Variants in SUCLG2 observed in about 807,000 individuals in gnomAD.
SUCLG2 encodes succinate--CoA ligase [GDP-forming] subunit beta, mitochondrial.
SUCLG2 carries 42 observed loss-of-function variants against 47.9 expected under a neutral mutation model. That is an observed-to-expected ratio of 0.88 (90% confidence interval 0.69 to 1.14). The LOEUF is 1.14. Ranked by LOEUF, SUCLG2 falls within the 50% of genes most tolerant of loss-of-function variation. The pLI, the probability that SUCLG2 is intolerant of heterozygous loss-of-function variation, is 0.00. For missense variants in SUCLG2, 571 were observed against 525.9 expected, an observed-to-expected ratio of 1.09 and a Z score of -0.84; for synonymous variants, 195 against 197.3, an observed-to-expected ratio of 0.99 and a Z score of 0.10.
intron 2 of SUCLG2, among the ~76,000 whole-genome samples, chr3:67,540,725 G>A (rs1706680375): frequency 1.3e-5 from 2 of 152,186 alleles, no homozygotes; most frequent in Non-Finnish European, 2.9e-5. Context: ...CCTCTAGTGG[G>A]TCCCTGATCC....
intron 2 of SUCLG2, among the ~76,000 whole-genome samples, chr3:67,539,073 T>C (rs936756478): frequency 1.2e-4 from 18 of 152,222 alleles, no homozygotes; most frequent in Non-Finnish European, 1.2e-4. Flanking sequence ...CTGATTGTCC[T>C]GGCCACATCT....
At chr3:67,381,941 CAA>C (rs1302051882) in intron 10 of SUCLG2, among the ~76,000 whole-genome samples, 1 of 152,062 alleles carries the variant, frequency 6.6e-6, no homozygotes, top group African/African-American at 2.4e-5. Context: ...TTATTACACA[CAA>C]GAGAAAATAA....
chr3:67,425,754 T>C (rs1021577636), intron 9 of SUCLG2, among the ~76,000 whole-genome samples: 3 of 152,200 alleles, frequency 2.0e-5, no homozygotes, highest in African/African-American at 7.2e-5. Flanking sequence ...TATGAGCCAA[T>C]ACCTTATAAT....
At chr3:67,423,786 C>T (rs1400353328) in intron 9 of SUCLG2, among the ~76,000 whole-genome samples, 1 of 152,160 alleles carries the variant, frequency 6.6e-6, no homozygotes, top group Admixed American at 6.5e-5. Flanking sequence ...GAATATCTCC[C>T]TTTACTGAAG....
intron 2 of SUCLG2, among the ~76,000 whole-genome samples, chr3:67,571,239 T>C (rs761322384): frequency 1.4e-4 from 22 of 152,150 alleles, no homozygotes; most frequent in Non-Finnish European, 2.6e-4. Context: ...GGGATGCTAC[T>C]GGCACCTAGT....
chr3:67,566,766 T>C (rs80192109), intron 2 of SUCLG2, among the ~76,000 whole-genome samples: 2,336 of 152,314 alleles, frequency 0.015, 55 homozygotes, highest in African/African-American at 0.052. Flanking sequence ...TAAATTACAC[T>C]TTTAAGAAAT....
intron 9 of SUCLG2, among the ~76,000 whole-genome samples, chr3:67,443,267 C>T (rs1353333867): frequency 6.6e-6 from 1 of 151,010 alleles, no homozygotes; most frequent in Non-Finnish European, 1.5e-5. Context: ...TATTGAGGAA[C>T]TAATGAAATT....
intron 2 of SUCLG2, among the ~76,000 whole-genome samples, chr3:67,554,170 C>T (rs1222186337): frequency 1.3e-5 from 2 of 152,180 alleles, no homozygotes; most frequent in Non-Finnish European, 2.9e-5. Context: ...AAGCCCCATA[C>T]AGAGTGATCT....
intron 10 of SUCLG2, among the ~76,000 whole-genome samples, chr3:67,386,233 C>T (rs1228962785): frequency 5.9e-5 from 9 of 151,582 alleles, no homozygotes; most frequent in African/African-American, 1.5e-4. Flanking sequence ...GGACTACAGG[C>T]GCCCGCCACC....
intron 9 of SUCLG2, among the ~76,000 whole-genome samples, chr3:67,402,655 G>C (rs1056009556): frequency 1.3e-5 from 2 of 152,216 alleles, no homozygotes; most frequent in African/African-American, 4.8e-5. Context: ...ATGACTCCAT[G>C]GGGTCCATGA....
At chr3:67,397,629 A>G (rs1460299270) in intron 10 of SUCLG2, among the ~76,000 whole-genome samples, 1 of 152,122 alleles carries the variant, frequency 6.6e-6, no homozygotes, top group Non-Finnish European at 1.5e-5. Flanking sequence ...CATCCCCATC[A>G]AGCTACCAAT....
chr3:67,545,523 C>A (rs1003671194), intron 2 of SUCLG2, among the ~76,000 whole-genome samples: 5 of 152,152 alleles, frequency 3.3e-5, no homozygotes, highest in Non-Finnish European at 7.4e-5. Flanking sequence ...AAATCTAAGT[C>A]TATTGCTCGA....
At chr3:67,409,604 C>T (rs1702890410) in intron 9 of SUCLG2, among the ~76,000 whole-genome samples, 1 of 152,024 alleles carries the variant, frequency 6.6e-6, no homozygotes, top group Admixed American at 6.6e-5. Context: ...TTACATGACA[C>T]ATATTTACAC....
chr3:67,606,685 C>G (rs1481033637), intron 2 of SUCLG2, among the ~76,000 whole-genome samples: 1 of 152,160 alleles, frequency 6.6e-6, no homozygotes, highest in African/African-American at 2.4e-5. Context: ...AAAAACCAAT[C>G]TTGATAGCTT....
intron 2 of SUCLG2, among the ~76,000 whole-genome samples, chr3:67,585,766 C>T (rs112661445): frequency 0.031 from 4,775 of 151,880 alleles, 100 homozygotes; most frequent in Non-Finnish European, 0.046. Context: ...AGTTCAAGAC[C>T]AGCCTGGCTG....
chr3:67,543,753 T>C (rs1462420244), intron 2 of SUCLG2, among the ~76,000 whole-genome samples: 1 of 152,212 alleles, frequency 6.6e-6, no homozygotes, highest in African/African-American at 2.4e-5. Flanking sequence ...TACAACATTA[T>C]ATCTTTTCTA....
At chr3:67,475,168 T>G (rs1575721270) in intron 9 of SUCLG2, among the ~76,000 whole-genome samples, 1 of 152,118 alleles carries the variant, frequency 6.6e-6, no homozygotes, top group African/African-American at 2.4e-5. Flanking sequence ...AAATCATGAG[T>G]TGGCAACTCC....
At chr3:67,505,968 AAAAAAG>A (rs563321633) in intron 7 of SUCLG2, among the ~76,000 whole-genome samples, 29 of 151,970 alleles carry the variant, frequency 1.9e-4, no homozygotes, top group South Asian at 6.2e-4. Flanking sequence ...TCTCAAAAAT[AAAAAAG>A]AAAAAGAAAA....
In SUCLG2 at chr3:67,522,036, ATTTAT is replaced by A. The variant is rs568853430; in HGVS notation, c.418-1407_418-1403del. 1.3e-3 allele frequency among the ~76,000 whole-genome samples: 191 copies of A among 151,552 alleles called. 1 individual carries two copies. Among genetic ancestry groups the A allele is most frequent in the Non-Finnish European group, 2.3e-3 (153 of 67,892 alleles). On this transcript the variant is annotated intron_variant, in intron 4 of 10. Coordinates refer to ENST00000307227, the MANE Select transcript of SUCLG2 (RefSeq NM_003848.4). ...TTTAACCATGTTCCTGCATTTATTT[ATTTAT>A]TTATCTATTTATTTATTTGTTTATT... is the stretch of plus-strand genomic sequence containing the variant.
Sources: allele counts gnomAD v4.1 joint callset (sites outside exome capture counted in the v4.1 genomes callset), GRCh38; gene constraint gnomAD v4.1.1; transcripts MANE v1.5; gene names NCBI Gene and HGNC (gene_info 2026-07-23, HGNC 2026-07-21).